KLF12: variants seen among roughly 807,000 people sequenced by gnomAD.
KLF12 encodes Krueppel-like factor 12.
A neutral mutation model predicts 37.8 loss-of-function variants in KLF12; 9 were observed. The ratio of observed to expected loss-of-function variants is 0.24; its 90% CI spans 0.14 to 0.42. KLF12 has a LOEUF of 0.42. KLF12 is among the 10% of genes least tolerant of loss of function. KLF12 has a pLI of 1.00. For missense variants in KLF12, 411 were observed against 516.0 expected (o/e 0.80, Z 1.97); for synonymous variants, 208 against 202.1 (o/e 1.03, Z -0.25).
the KLF12 span, among the ~76,000 whole-genome samples, chr13:74,267,468 A>G: frequency 1.3e-5 from 2 of 152,242 alleles, no homozygotes; most frequent in African/African-American, 2.4e-5. Context: ...TGTGAAGTGC[A>G]AAAAGCTAGG....
Position 73,751,740 on chromosome 13 carries a change from G to C in KLF12, c.869+13198C>G, listed in dbSNP as rs1032619126. Reference sequence around the variant, plus strand: ...GTGGAAGAAAGACATCAGGGTACTTGGTGTTTTGGGAAAATGGGCCCTCAT... The same window carrying C: ...GTGGAAGAAAGACATCAGGGTACTTCGTGTTTTGGGAAAATGGGCCCTCAT... On this transcript the variant is annotated intron_variant, in intron 6 of 7. Transcript: ENST00000377669. Among the ~76,000 whole-genome samples the C allele has an allele frequency of 3.9e-5, 6 of 152,166 alleles. No homozygotes were observed. In the South Asian group the frequency reaches 1.2e-3, roughly 31 times the overall value.
At chr13:73,959,767 TA>T (rs1890962565) in intron 2 of KLF12, among the ~76,000 whole-genome samples, 1 of 152,064 alleles carries the variant, frequency 6.6e-6, no homozygotes, top group Admixed American at 6.6e-5. Flanking sequence ...CATTATCAGG[TA>T]AATGCTGTAT....
chr13:74,296,152 T>G, the KLF12 span, among the ~76,000 whole-genome samples: 1 of 151,890 alleles, frequency 6.6e-6, no homozygotes, highest in Non-Finnish European at 1.5e-5. Context: ...TTTTTTTTTT[T>G]TAATTTTCAG....
intron 4 of KLF12, among the ~76,000 whole-genome samples, chr13:73,833,785 A>G (rs1884288021): frequency 6.6e-6 from 1 of 152,188 alleles, no homozygotes; most frequent in African/African-American, 2.4e-5. Flanking sequence ...GAATGGCAAC[A>G]GACTGAGAGG....
the KLF12 span, among the ~76,000 whole-genome samples, chr13:74,231,954 T>C: frequency 6.6e-6 from 1 of 152,196 alleles, no homozygotes; most frequent in African/African-American, 2.4e-5. Flanking sequence ...CTATTAAAAT[T>C]AGATATTCAA....
chr13:74,016,630 T>C (rs1162764063), intron 1 of KLF12, among the ~76,000 whole-genome samples: 1 of 152,232 alleles, frequency 6.6e-6, no homozygotes, highest in Non-Finnish European at 1.5e-5. Flanking sequence ...CCCACAGTGC[T>C]GGGATTACAG....
chr13:73,847,192 G>A (rs1420083688), intron 3 of KLF12, among the ~76,000 whole-genome samples: 1 of 152,032 alleles, frequency 6.6e-6, no homozygotes, highest in South Asian at 2.1e-4. Flanking sequence ...TTTATGAAAT[G>A]TCTGCTTGCA....
At chr13:74,109,549 T>A (rs1300033513) in intron 1 of KLF12, among the ~76,000 whole-genome samples, 1 of 152,204 alleles carries the variant, frequency 6.6e-6, no homozygotes. Flanking sequence ...CTTCCTCATG[T>A]ATTAGTTAAA....
intron 3 of KLF12, among the ~76,000 whole-genome samples, chr13:73,921,433 T>C (rs1359202725): frequency 2.0e-5 from 3 of 152,156 alleles, no homozygotes; most frequent in African/African-American, 7.2e-5. Flanking sequence ...TATAAATACT[T>C]ATGTATTAAT....
intron 1 of KLF12, among the ~76,000 whole-genome samples, chr13:74,014,739 T>C (rs1892645049): frequency 6.6e-6 from 1 of 152,238 alleles, no homozygotes; most frequent in African/African-American, 2.4e-5. Context: ...CCCAAAAGTA[T>C]GTACTTTCCA....
intron 3 of KLF12, among the ~76,000 whole-genome samples, chr13:73,853,695 C>A (rs978037836): frequency 2.7e-5 from 4 of 150,274 alleles, no homozygotes; most frequent in Admixed American, 2.7e-4. Context: ...GCTGAGATTG[C>A]GCCACTGCAC....
chr13:74,167,029 T>C, the KLF12 span, among the ~76,000 whole-genome samples: 1 of 152,260 alleles, frequency 6.6e-6, no homozygotes, highest in Non-Finnish European at 1.5e-5. Context: ...ATTTTCTTCC[T>C]ACACAAAACT....
the KLF12 span, among the ~76,000 whole-genome samples, chr13:74,303,916 A>G: frequency 5.3e-5 from 8 of 152,192 alleles, no homozygotes; most frequent in Non-Finnish European, 8.8e-5. Context: ...TGTTCCCTTT[A>G]AAACATTGTT....
chr13:74,263,697 G>A, the KLF12 span, among the ~76,000 whole-genome samples: 13 of 152,062 alleles, frequency 8.5e-5, no homozygotes, highest in African/African-American at 2.9e-4. Context: ...CTGAAATCAC[G>A]CCACTGCACT....
Position 73,695,470 on chromosome 13 carries a change from A to G in KLF12, c.*20T>C, listed in dbSNP as rs763306073. 11 of 1,612,016 alleles carry G rather than the reference A, an allele frequency of 6.8e-6. No homozygotes were observed. In the Admixed American group the frequency reaches 1.8e-4, roughly 27 times the overall value. On this transcript the variant is annotated 3_prime_UTR_variant, in exon 8 of 8. Transcript: ENST00000377669. ...GCTAAGAGATCCAGCTCTTACGCTC[A>G]GCTGGACAGGTAGCATTCCTCACAC...
At chr13:74,073,700 G>A (rs1874406123) in intron 1 of KLF12, among the ~76,000 whole-genome samples, 1 of 152,096 alleles carries the variant, frequency 6.6e-6, no homozygotes, top group Admixed American at 6.6e-5. Context: ...GAGTCAAATG[G>A]CCCAAATACA....
At chr13:74,117,684 T>C in intron 1 of KLF12, among the ~76,000 whole-genome samples, 1 of 152,182 alleles carries the variant, frequency 6.6e-6, no homozygotes, top group East Asian at 1.9e-4. Context: ...TATCATGATA[T>C]GATACAATGA....
chr13:73,814,515 C>T (rs569604949), intron 4 of KLF12, among the ~76,000 whole-genome samples: 1 of 152,292 alleles, frequency 6.6e-6, no homozygotes, highest in Admixed American at 6.5e-5. Context: ...TCTAACTACA[C>T]TTGGTTAGGA....
intron 5 of KLF12, among the ~76,000 whole-genome samples, chr13:73,810,982 CTTTTTTTTTTTTT>C (rs376490803): frequency 8.9e-5 from 4 of 44,808 alleles, no homozygotes; most frequent in Non-Finnish European, 4.0e-5. Flanking sequence ...ATTTTTCTTT[CTTTTTTTTTTTTT>C]TTTTTTTTTT....
Sources: allele counts gnomAD v4.1 joint callset (sites outside exome capture counted in the v4.1 genomes callset), GRCh38; gene constraint gnomAD v4.1.1; transcripts MANE v1.5; gene names NCBI Gene and HGNC (gene_info 2026-07-23, HGNC 2026-07-21).